FGGY: variants seen among roughly 807,000 people sequenced by gnomAD.
FGGY encodes the protein FGGY carbohydrate kinase domain-containing protein.
In FGGY, 72 loss-of-function variants were observed where a neutral mutation model predicts 71.3. The ratio of observed to expected loss-of-function variants is 1.01; its 90% CI spans 0.84 to 1.23. The LOEUF (loss-of-function observed/expected upper bound fraction) is 1.23. Among genes scored for constraint, FGGY ranks in the 50% most tolerant of loss-of-function variants. FGGY has a pLI of 0.00. For synonymous variants in FGGY, 251 were observed against 250.3 expected, an observed-to-expected ratio of 1.00 and a Z score of -0.02; for missense variants, 668 against 682.3, an observed-to-expected ratio of 0.98 and a Z score of 0.23.
chr1:59,457,667 G>C (rs905473550), intron 6 of FGGY, among the ~76,000 whole-genome samples: 1 of 152,176 alleles, frequency 6.6e-6, no homozygotes, highest in Non-Finnish European at 1.5e-5. Flanking sequence ...GCAAGGAGCA[G>C]CTTGGGAATA....
intron 7 of FGGY, among the ~76,000 whole-genome samples, chr1:59,531,832 G>A (rs935128927): frequency 1.3e-5 from 2 of 152,178 alleles, no homozygotes; most frequent in African/African-American, 4.8e-5. Context: ...AAAGGCCAAA[G>A]CCTGGGTTTG....
At chr1:59,550,111 T>C (rs2095585423) in intron 7 of FGGY, among the ~76,000 whole-genome samples, 1 of 152,210 alleles carries the variant, frequency 6.6e-6, no homozygotes, top group South Asian at 2.1e-4. Flanking sequence ...TTTTTATGCC[T>C]GTTTCTTCAT....
At chr1:59,728,712 A>G (rs891432008) in intron 14 of FGGY, among the ~76,000 whole-genome samples, 1 of 151,984 alleles carries the variant, frequency 6.6e-6, no homozygotes, top group Non-Finnish European at 1.5e-5. Flanking sequence ...ACTCCATTCT[A>G]GTTTTATTTA....
intron 2 of FGGY, among the ~76,000 whole-genome samples, chr1:59,339,075 T>C (rs924401574): frequency 2.0e-5 from 3 of 152,204 alleles, no homozygotes; most frequent in African/African-American, 7.2e-5. Context: ...ACATAAACTT[T>C]GTTTCATGCA....
chr1:59,329,139 T>C (rs1557563670), intron 2 of FGGY, among the ~76,000 whole-genome samples: 1 of 152,174 alleles, frequency 6.6e-6, no homozygotes, highest in African/African-American at 2.4e-5. Flanking sequence ...CAAAGCACAA[T>C]GATACCAGAT....
chr1:59,542,409 T>C (rs1229365442), intron 7 of FGGY, among the ~76,000 whole-genome samples: 1 of 151,358 alleles, frequency 6.6e-6, no homozygotes, highest in Non-Finnish European at 1.5e-5. Flanking sequence ...GTGACAGCAC[T>C]GTTCTTTCAA....
chr1:59,311,752 A>G (rs2044378079), intron 1 of FGGY, among the ~76,000 whole-genome samples: 1 of 152,238 alleles, frequency 6.6e-6, no homozygotes, highest in South Asian at 2.1e-4. Flanking sequence ...CTTTGGGTAT[A>G]TACCCAGTAA....
intron 5 of FGGY, among the ~76,000 whole-genome samples, chr1:59,438,884 A>G (rs954863848): frequency 1.3e-5 from 2 of 152,158 alleles, no homozygotes; most frequent in Admixed American, 6.6e-5. Flanking sequence ...CAGTACCCCT[A>G]GCTTTGTTCT....
At chr1:59,430,755 A>G (rs566125006) in intron 5 of FGGY, among the ~76,000 whole-genome samples, 30 of 152,278 alleles carry the variant, frequency 2.0e-4, no homozygotes, top group African/African-American at 7.0e-4. Context: ...TCAGAGTACA[A>G]CAAAATGTCA....
intron 8 of FGGY, among the ~76,000 whole-genome samples, chr1:59,579,649 A>G (rs566853520): frequency 5.9e-5 from 9 of 152,194 alleles, no homozygotes; most frequent in African/African-American, 2.2e-4. Flanking sequence ...GATGGAATCC[A>G]CCAATGTGGA....
intron 6 of FGGY, among the ~76,000 whole-genome samples, chr1:59,494,052 G>A (rs191114703): frequency 1.4e-4 from 21 of 152,214 alleles, no homozygotes; most frequent in Middle Eastern, 3.4e-3. Flanking sequence ...GGCAGGGTTT[G>A]TATCTGCTGT....
At chr1:59,476,223 G>A (rs1174034471) in intron 6 of FGGY, among the ~76,000 whole-genome samples, 2 of 152,184 alleles carry the variant, frequency 1.3e-5, no homozygotes, top group African/African-American at 4.8e-5. Flanking sequence ...TACTCCAGCA[G>A]TATTCTGTTT....
intron 5 of FGGY, among the ~76,000 whole-genome samples, chr1:59,414,279 A>G (rs1263223888): frequency 2.0e-5 from 3 of 152,196 alleles, no homozygotes; most frequent in African/African-American, 7.2e-5. Context: ...GACCTGGCAT[A>G]CTGTATTCCA....
chr1:59,458,859 CT>C (rs2091948000), intron 6 of FGGY, among the ~76,000 whole-genome samples: 1 of 152,322 alleles, frequency 6.6e-6, no homozygotes, highest in African/African-American at 2.4e-5. Context: ...ATTTAAGAGG[CT>C]GTTTATTCTC....
At chr1:59,753,441 T>G (rs1368118448) in intron 14 of FGGY, among the ~76,000 whole-genome samples, 1 of 142,332 alleles carries the variant, frequency 7.0e-6, no homozygotes, top group Non-Finnish European at 1.5e-5. Context: ...CGAGTCATTT[T>G]GACTGTCTTT....
chr1:59,526,803 G>A (rs1433846113), intron 7 of FGGY, among the ~76,000 whole-genome samples: 1 of 152,212 alleles, frequency 6.6e-6, no homozygotes, highest in Non-Finnish European at 1.5e-5. Flanking sequence ...ACTCTGACTG[G>A]AATCAGACTG....
chr1:59,595,065 G>A (rs1219792581), intron 8 of FGGY, among the ~76,000 whole-genome samples: 3 of 152,162 alleles, frequency 2.0e-5, no homozygotes, highest in Non-Finnish European at 4.4e-5. Flanking sequence ...GTAGCTGAGA[G>A]GCAGCTGGAT....
At chr1:59,737,875 C>T (rs1012445218) in intron 14 of FGGY, among the ~76,000 whole-genome samples, 2 of 152,174 alleles carry the variant, frequency 1.3e-5, no homozygotes, top group African/African-American at 4.8e-5. Context: ...TATGGTTTGA[C>T]TGTGTTCCCA....
chr1:59,404,211 G>A (rs1056007073), intron 5 of FGGY, among the ~76,000 whole-genome samples: 1 of 152,006 alleles, frequency 6.6e-6, no homozygotes, highest in Non-Finnish European at 1.5e-5. Flanking sequence ...CTGTCGGGGG[G>A]CGGGGCCACA....
Sources: allele counts gnomAD v4.1 joint callset (sites outside exome capture counted in the v4.1 genomes callset), GRCh38; gene constraint gnomAD v4.1.1; transcripts MANE v1.5; gene names NCBI Gene and HGNC (gene_info 2026-07-23, HGNC 2026-07-21).